PYHIN1: variants seen among roughly 807,000 people sequenced by gnomAD.
The protein encoded by PYHIN1 is pyrin and HIN domain family member 1.
Under a neutral mutation model 43.7 loss-of-function variants are expected in PYHIN1, and 32 were observed. The ratio of observed to expected loss-of-function variants is 0.73; its 90% CI spans 0.55 to 0.98. The LOEUF (loss-of-function observed/expected upper bound fraction) is 0.98. PYHIN1 is among the 50% of genes least tolerant of loss of function. The probability of loss-of-function intolerance (pLI) is 0.00; values close to 1 mark genes in which losing one functional copy is unlikely to be tolerated. For synonymous variants in PYHIN1, 205 were observed against 203.1 expected (o/e 1.01, Z -0.08); for missense variants, 588 against 589.5 (o/e 1.00, Z 0.03).
At chr1:158,941,738 T>G (rs1648927741) in intron 4 of PYHIN1, among the ~76,000 whole-genome samples, 2 of 152,242 alleles carry the variant, frequency 1.3e-5, no homozygotes, top group Non-Finnish European at 2.9e-5. Flanking sequence ...CTATTATATC[T>G]TACATTTTAA....
At chr1:158,973,505 T>TCGCA (rs1553201098) in intron 7 of PYHIN1, 142 bp from the exon 8 acceptor site, 4 of 483,372 alleles carry the variant, frequency 8.3e-6, no homozygotes, top group Non-Finnish European at 1.4e-5. Context: ...AAAGGGATTT[T>TCGCA]CACACACACA....
At chr1:158,935,484 C>A (rs978567722) in intron 1 of PYHIN1, among the ~76,000 whole-genome samples, 10 of 152,022 alleles carry the variant, frequency 6.6e-5, no homozygotes, top group Non-Finnish European at 1.2e-4. Context: ...AAAGAAAAAT[C>A]AAGCAACTAT....
chr1:158,952,810 G>T (rs1013025672), intron 7 of PYHIN1, among the ~76,000 whole-genome samples: 1 of 152,348 alleles, frequency 6.6e-6, no homozygotes, highest in East Asian at 1.9e-4. Flanking sequence ...CGACGCAGAA[G>T]ATGGGTGATT....
chr1:158,956,717 C>G (rs1430430394), intron 7 of PYHIN1, among the ~76,000 whole-genome samples: 3 of 150,540 alleles, frequency 2.0e-5, no homozygotes, highest in Non-Finnish European at 4.4e-5. Flanking sequence ...CCTCTCTCAC[C>G]ACTCCTATTC....
intron 7 of PYHIN1, among the ~76,000 whole-genome samples, chr1:158,962,984 C>T (rs1399382024): frequency 6.6e-6 from 1 of 152,130 alleles, no homozygotes; most frequent in Admixed American, 6.5e-5. Context: ...ACACCACAGT[C>T]ACCATACAGG....
intron 7 of PYHIN1, among the ~76,000 whole-genome samples, chr1:158,958,056 A>G (rs1334151635): frequency 6.6e-6 from 1 of 152,190 alleles, no homozygotes; most frequent in East Asian, 1.9e-4. Context: ...CCACAATGAG[A>G]TACCATCTCA....
At chr1:158,943,357 A>T (rs532852679) in intron 5 of PYHIN1, among the ~76,000 whole-genome samples, 1 of 152,360 alleles carries the variant, frequency 6.6e-6, no homozygotes, top group African/African-American at 2.4e-5. Context: ...CAAAAAAGTA[A>T]TTAGATAGTT....
At chr1:158,982,511 G>A in the PYHIN1 span, among the ~76,000 whole-genome samples, 1 of 151,958 alleles carries the variant, frequency 6.6e-6, no homozygotes, top group Non-Finnish European at 1.5e-5. Context: ...TATCTGTTTT[G>A]TTCTAGCACC....
chr1:158,960,354 G>C lies in PYHIN1; in HGVS notation c.1360-13293G>C, dbSNP rs569188346. Among the ~76,000 whole-genome samples, 4 of 152,264 alleles carry C rather than the reference G, an allele frequency of 2.6e-5. No homozygotes were observed. In the South Asian group the frequency reaches 8.3e-4, roughly 32 times the overall value. On this transcript the variant is annotated intron_variant, in intron 7 of 8. Transcript: ENST00000368140. ...TTTCTCACTTACACTGATTGAATGGGATTATGTAGGAATTTCTAAATCTTA... is the reference window on the plus strand; with the variant it reads ...TTTCTCACTTACACTGATTGAATGGCATTATGTAGGAATTTCTAAATCTTA...
chr1:158,980,369 C>T (rs1651444435), downstream of PYHIN1, among the ~76,000 whole-genome samples: 2 of 152,056 alleles, frequency 1.3e-5, no homozygotes, highest in Non-Finnish European at 2.9e-5. Context: ...GGAAGACAAC[C>T]GTAAGCTCTG....
chr1:158,977,162 A>T (rs1651325444), downstream of PYHIN1: 1 of 152,266 alleles, frequency 6.6e-6, no homozygotes, highest in South Asian at 2.1e-4. Context: ...TTTGGATGGG[A>T]TCTTTAAGGA....
intron 8 of PYHIN1, among the ~76,000 whole-genome samples, chr1:158,975,334 C>T (rs1249845541): frequency 6.6e-6 from 1 of 151,968 alleles, no homozygotes; most frequent in South Asian, 2.1e-4. Context: ...TGTCATGACT[C>T]TCCTAAATCA....
chr1:158,963,087 A>ATTC (rs1650419879), intron 7 of PYHIN1, among the ~76,000 whole-genome samples: 1 of 151,976 alleles, frequency 6.6e-6, no homozygotes, highest in Admixed American at 6.6e-5. Flanking sequence ...GTAACTTCCC[A>ATTC]TTCTCTAGCT....
chr1:158,974,176 T>C (rs1651108061), intron 8 of PYHIN1, among the ~76,000 whole-genome samples: 1 of 152,028 alleles, frequency 6.6e-6, no homozygotes, highest in African/African-American at 2.4e-5. Context: ...AGCTAGTGTC[T>C]TGGCATATGC....
downstream of PYHIN1, among the ~76,000 whole-genome samples, chr1:158,977,903 A>C (rs962663565): frequency 2.0e-5 from 3 of 152,142 alleles, no homozygotes; most frequent in Non-Finnish European, 4.4e-5. Context: ...ACAATGAATA[A>C]GACGGATTCC....
Position 158,937,193 on chromosome 1 carries a change from A to C in PYHIN1, c.265+18A>C, listed in dbSNP as rs1648613264. ...GTTAAAAGGTAATTGGGAAGAGGGA[A>C]CACCCACTCCCTGCAATGATCCCCA... On this transcript the variant is annotated intron_variant, in intron 2 of 8. Coordinates refer to ENST00000368140, the MANE Select transcript of PYHIN1 (RefSeq NM_152501.5). 1 of 1,552,790 alleles carries C rather than the reference A, an allele frequency of 6.4e-7. No individual in the cohort carries two copies. The highest frequency in any genetic ancestry group is 8.7e-7 in the Non-Finnish European group (1 of 1,153,054).
At chr1:158,975,420 A>C (rs1651200574) in intron 8 of PYHIN1, among the ~76,000 whole-genome samples, 1 of 152,102 alleles carries the variant, frequency 6.6e-6, no homozygotes, top group South Asian at 2.1e-4. Context: ...AAACGAAGCT[A>C]TTAGTTTTAT....
At chr1:158,939,614 C>T in intron 4 of PYHIN1, 8 of 1,212,756 alleles carry the variant, frequency 6.6e-6, no homozygotes, top group Non-Finnish European at 7.1e-6. Context: ...TTAGGATTTT[C>T]ACACACCATA....
chr1:158,960,890 T>A (rs1408829553), intron 7 of PYHIN1, among the ~76,000 whole-genome samples: 1 of 152,208 alleles, frequency 6.6e-6, no homozygotes, highest in African/African-American at 2.4e-5. Context: ...TTTGAGAAGA[T>A]AGTAACTCAA....
Sources: allele counts gnomAD v4.1 joint callset (sites outside exome capture counted in the v4.1 genomes callset), GRCh38; gene constraint gnomAD v4.1.1; transcripts MANE v1.5; gene names NCBI Gene and HGNC (gene_info 2026-07-23, HGNC 2026-07-21).